CCDC3: variants seen among roughly 807,000 people sequenced by gnomAD.
CCDC3 encodes coiled-coil domain containing 3, also known as coiled-coil domain-containing protein 3.
CCDC3 carries 24 observed loss-of-function variants against 21.4 expected under a neutral mutation model. The observed-to-expected ratio is 1.12, with a 90% CI of 0.81 to 1.58. CCDC3 has a LOEUF of 1.58. CCDC3 is among the 40% of genes most tolerant of loss of function. CCDC3 has a pLI of 0.00. For synonymous variants in CCDC3, 186 were observed against 166.0 expected (o/e 1.12, Z -0.93); for missense variants, 425 against 360.9 (o/e 1.18, Z -1.44).
chr10:13,014,539 A>C (rs377563988), intron 5 of CCDC3, among the ~76,000 whole-genome samples: 4 of 152,082 alleles, frequency 2.6e-5, no homozygotes, highest in South Asian at 4.2e-4. Flanking sequence ...TCTGAATTAG[A>C]TCCTTTTGCT....
intron 4 of CCDC3, among the ~76,000 whole-genome samples, chr10:13,069,238 A>G (rs2131438504): frequency 6.6e-6 from 1 of 152,342 alleles, no homozygotes; most frequent in South Asian, 2.1e-4. Flanking sequence ...CTGGGCAACA[A>G]AGACTGAAAC....
chr10:12,942,616 C>T (rs71513345), intron 2 of CCDC3, among the ~76,000 whole-genome samples: 1 of 152,142 alleles, frequency 6.6e-6, no homozygotes, highest in Admixed American at 6.5e-5. Flanking sequence ...AACATGGCAC[C>T]GGCCAGGTAG....
At chr10:13,045,186 C>T (rs1836508137) in intron 5 of CCDC3, among the ~76,000 whole-genome samples, 2 of 151,848 alleles carry the variant, frequency 1.3e-5, no homozygotes, top group African/African-American at 4.8e-5. Context: ...TTTTATTGAC[C>T]ACTCATAATT....
intron 2 of CCDC3, among the ~76,000 whole-genome samples, chr10:12,922,559 T>C (rs1315781656): frequency 6.6e-6 from 1 of 152,212 alleles, no homozygotes; most frequent in African/African-American, 2.4e-5. Context: ...AAGGCCATCT[T>C]GGATGTTAGC....
upstream of CCDC3, among the ~76,000 whole-genome samples, chr10:13,002,790 G>A (rs73583895): frequency 0.028 from 4,284 of 152,240 alleles, 199 homozygotes; most frequent in African/African-American, 0.097. Context: ...TCAGAGTTTT[G>A]GAGGCAGGAA....
chr10:12,954,720 C>T (rs1254545133), intron 2 of CCDC3, among the ~76,000 whole-genome samples: 3 of 152,200 alleles, frequency 2.0e-5, no homozygotes, highest in African/African-American at 7.2e-5. Context: ...ACCCCCATGA[C>T]CCAAACACCT....
chr10:13,039,429 A>G (rs1836420721), intron 5 of CCDC3, among the ~76,000 whole-genome samples: 1 of 152,102 alleles, frequency 6.6e-6, no homozygotes, highest in African/African-American at 2.4e-5. Context: ...TCTCAAAAAA[A>G]AAAAAAGGTA....
chr10:13,044,784 A>G (rs1412849249), intron 5 of CCDC3, among the ~76,000 whole-genome samples: 6 of 152,202 alleles, frequency 3.9e-5, no homozygotes, highest in Non-Finnish European at 7.3e-5. Flanking sequence ...TTTTGGTTCC[A>G]TATAAATTTT....
intron 2 of CCDC3, among the ~76,000 whole-genome samples, chr10:12,964,752 C>CA (rs1835236433): frequency 6.6e-6 from 1 of 152,174 alleles, no homozygotes; most frequent in Non-Finnish European, 1.5e-5. Flanking sequence ...AACAAAGAGA[C>CA]AAAGAGGGCA....
At chr10:12,963,972 A>G (rs1326150158) in intron 2 of CCDC3, among the ~76,000 whole-genome samples, 1 of 152,172 alleles carries the variant, frequency 6.6e-6, no homozygotes, top group East Asian at 1.9e-4. Context: ...TTATTGGTCT[A>G]AGCTAATTAA....
chr10:13,001,643 C>T lies in CCDC3; in HGVS notation c.-73G>A, dbSNP rs1051421302. ...GCCCGCCGGCCCGGGAAGGGCAGCC[C>T]TGGGCGCTCGGCTGCTCGGGCCGCT... On this transcript the variant is annotated 5_prime_UTR_variant, in exon 1 of 3. Coordinates refer to ENST00000378825, the MANE Select transcript of CCDC3 (RefSeq NM_031455.4). 5.9e-6 allele frequency: 6 copies of T among 1,010,520 alleles called. No individual in the cohort carries two copies. The highest frequency in any genetic ancestry group is 5.4e-5 in the Admixed American group (1 of 18,406). 62.6% of individuals were successfully genotyped at this position (1,010,520 alleles called of 1,614,324 possible).
At chr10:12,961,193 G>A (rs755477010) in intron 2 of CCDC3, among the ~76,000 whole-genome samples, 7 of 152,194 alleles carry the variant, frequency 4.6e-5, no homozygotes, top group Non-Finnish European at 1.0e-4. Context: ...AGTGGCTTGA[G>A]CAAATGGCTT....
upstream of CCDC3, among the ~76,000 whole-genome samples, chr10:13,005,029 A>C (rs894522231): frequency 7.2e-5 from 11 of 152,070 alleles, no homozygotes; most frequent in African/African-American, 2.7e-4. Flanking sequence ...TATTTCTTTC[A>C]AGTCCCTAAC....
chr10:13,024,941 A>G (rs994230974), intron 5 of CCDC3, among the ~76,000 whole-genome samples: 3 of 152,068 alleles, frequency 2.0e-5, no homozygotes, highest in Non-Finnish European at 2.9e-5. Flanking sequence ...CCATTCTTCC[A>G]TATTTCTTCA....
intron 2 of CCDC3, among the ~76,000 whole-genome samples, chr10:12,951,582 G>C (rs1021718740): frequency 2.0e-5 from 3 of 151,950 alleles, no homozygotes; most frequent in African/African-American, 7.3e-5. Context: ...GAGACGGGTG[G>C]ATCACAAGGT....
chr10:12,933,375 C>A (rs1834681487), intron 2 of CCDC3, among the ~76,000 whole-genome samples: 1 of 151,984 alleles, frequency 6.6e-6, no homozygotes, highest in Admixed American at 6.6e-5. Flanking sequence ...TGAATTTTAA[C>A]AAATTGTGCC....
intron 3 of CCDC3, among the ~76,000 whole-genome samples, chr10:13,077,623 A>G (rs1836982775): frequency 6.6e-6 from 1 of 151,896 alleles, no homozygotes; most frequent in South Asian, 2.1e-4. Context: ...ACAAGGCTAC[A>G]GTAACCAAAA....
chr10:12,911,647 T>G (rs1395604380), intron 2 of CCDC3, among the ~76,000 whole-genome samples: 1 of 152,240 alleles, frequency 6.6e-6, no homozygotes, highest in African/African-American at 2.4e-5. Flanking sequence ...ATGTATCACC[T>G]CACATACCAT....
chr10:13,009,193 C>T (rs1482032586), intron 5 of CCDC3, among the ~76,000 whole-genome samples: 1 of 152,050 alleles, frequency 6.6e-6, no homozygotes, highest in Non-Finnish European at 1.5e-5. Flanking sequence ...ATATGAAATA[C>T]TTAGAAATAA....
Sources: gnomAD v4.1 joint callset for allele counts (sites outside exome capture counted in the v4.1 genomes callset) on GRCh38, gnomAD v4.1.1 for gene constraint, MANE v1.5 for transcripts, NCBI Gene and HGNC (gene_info 2026-07-23, HGNC 2026-07-21) for gene names.